The following TDRD10 variants were observed in gnomAD, a reference collection of about 807,000 sequenced individuals.
TDRD10 encodes tudor domain containing 10.
Under a neutral mutation model 48.0 loss-of-function variants are expected in TDRD10, and 40 were observed. That is an observed-to-expected ratio of 0.83 (90% CI 0.65 to 1.09). The LOEUF (loss-of-function observed/expected upper bound fraction) is 1.09, where lower values mean the gene tolerates loss of function less well. Ranked by LOEUF, TDRD10 falls within the 50% of genes least tolerant of loss-of-function variation. TDRD10 has a pLI of 0.00. For missense variants in TDRD10, 378 were observed against 434.7 expected (o/e 0.87, Z 1.16); for synonymous variants, 162 against 170.4 (o/e 0.95, Z 0.38).
At chr1:154,542,917 G>T in intron 8 of TDRD10, 96 bp downstream of exon 8, 11 of 1,017,584 alleles carry the variant, frequency 1.1e-5, no homozygotes, top group Non-Finnish European at 1.5e-5. Flanking sequence ...TGGGGTGGGG[G>T]ATAGTTTTCG....
chr1:154,534,021 C>A (rs550622598), intron 6 of TDRD10, among the ~76,000 whole-genome samples: 3 of 151,884 alleles, frequency 2.0e-5, no homozygotes, highest in African/African-American at 7.2e-5. Context: ...GGCGTGAGAC[C>A]CCCCAGCCGT....
chr1:154,507,377 C>G, intron 3 of TDRD10, 57 bp downstream of exon 3: 1 of 1,587,428 alleles, frequency 6.3e-7, no homozygotes, highest in Non-Finnish European at 8.6e-7. Context: ...AACTTGGATT[C>G]CAGTTAATGG....
chr1:154,503,964 G>A (rs1281191061), intron 1 of TDRD10, among the ~76,000 whole-genome samples: 5 of 152,056 alleles, frequency 3.3e-5, no homozygotes, highest in Non-Finnish European at 5.9e-5. Context: ...TACAACCATC[G>A]CAACAATCTA....
At chr1:154,530,618 T>G (rs1694564965) in intron 6 of TDRD10, among the ~76,000 whole-genome samples, 1 of 152,010 alleles carries the variant, frequency 6.6e-6, no homozygotes. Flanking sequence ...ATTCAAGATT[T>G]TTGCTTGGTT....
chr1:154,542,420 G>C (rs1345723522), intron 7 of TDRD10, among the ~76,000 whole-genome samples: 11 of 152,162 alleles, frequency 7.2e-5, no homozygotes, highest in African/African-American at 2.7e-4. Context: ...GTGAGATGGA[G>C]TCTTGCTGTG....
intron 5 of TDRD10, 110 bp downstream of exon 5, chr1:154,520,484 C>A: frequency 1.3e-6 from 1 of 789,808 alleles, no homozygotes; most frequent in South Asian, 1.5e-5. Context: ...CACGTCCACA[C>A]CCACTCTGAC....
intron 6 of TDRD10, among the ~76,000 whole-genome samples, chr1:154,535,054 G>A (rs1694846402): frequency 2.6e-5 from 4 of 152,336 alleles, no homozygotes; most frequent in Admixed American, 2.0e-4. Context: ...GAATCAGGTG[G>A]TGTGATTGAA....
intron 3 of TDRD10, among the ~76,000 whole-genome samples, chr1:154,508,020 T>G (rs956788324): frequency 6.6e-6 from 1 of 152,206 alleles, no homozygotes; most frequent in African/African-American, 2.4e-5. Flanking sequence ...GCTGGATTCC[T>G]GGTGTGCCCA....
chr1:154,504,553 C>G (rs1377302581), intron 1 of TDRD10, among the ~76,000 whole-genome samples: 2 of 152,188 alleles, frequency 1.3e-5, no homozygotes, highest in Non-Finnish European at 2.9e-5. Context: ...TTGTCTGTAT[C>G]TCTTGCTTTT....
chr1:154,527,065 C>T (rs1005860496), intron 6 of TDRD10, among the ~76,000 whole-genome samples: 2 of 152,040 alleles, frequency 1.3e-5, no homozygotes, highest in African/African-American at 4.8e-5. Context: ...CACCTGCCAC[C>T]ACGCCCGCCT....
Position 154,521,224 on chromosome 1 carries a change from AAG to A in TDRD10, c.213-98_213-97del, listed in dbSNP as rs532761505. The A allele has an allele frequency of 1.6e-5, 19 of 1,196,934 alleles. No individual in the cohort carries two copies. In the Admixed American group the frequency reaches 3.4e-4, roughly 21 times the overall value. The allele number at this position is 1,196,934 out of a possible 1,614,324, so 74.1% of individuals were successfully genotyped here. A position where few individuals can be genotyped will look rare whatever the true frequency, so the allele number is the denominator to read the frequency against. Reference sequence around the variant, plus strand: ...TTCATCTTCCATCACTGCAGAGAGAAAGGACACTGGCCTTCCAGCTTGGGCTT... The same window carrying A: ...TTCATCTTCCATCACTGCAGAGAGAAGACACTGGCCTTCCAGCTTGGGCTT... On this transcript the variant is annotated intron_variant, in intron 5 of 12. Coordinates refer to ENST00000368482, the MANE Select transcript of TDRD10 (RefSeq NM_182499.4).
chr1:154,503,610 C>CA (rs1177504018), intron 1 of TDRD10, among the ~76,000 whole-genome samples: 2 of 151,960 alleles, frequency 1.3e-5, no homozygotes, highest in South Asian at 2.1e-4. Context: ...AACAAACAAA[C>CA]AAAAAAACAC....
intron 1 of TDRD10, among the ~76,000 whole-genome samples, chr1:154,503,830 C>T (rs1692980215): frequency 1.3e-5 from 2 of 152,088 alleles, no homozygotes; most frequent in Admixed American, 6.5e-5. Context: ...CTCATACTGA[C>T]GTTCTTGAAA....
chr1:154,535,358 C>T (rs1192795543), intron 6 of TDRD10, among the ~76,000 whole-genome samples: 1 of 146,246 alleles, frequency 6.8e-6, no homozygotes, highest in Non-Finnish European at 1.5e-5. Context: ...CAGAGTGAGA[C>T]TCCATCTCAA....
intron 4 of TDRD10, among the ~76,000 whole-genome samples, chr1:154,518,993 T>G (rs1358179032): frequency 1.3e-5 from 2 of 152,220 alleles, no homozygotes; most frequent in Non-Finnish European, 2.9e-5. Context: ...TTGAAGAGTC[T>G]GGAGTTCAAG....
intron 6 of TDRD10, among the ~76,000 whole-genome samples, chr1:154,536,247 A>C (rs1251191758): frequency 6.6e-6 from 1 of 152,160 alleles, no homozygotes; most frequent in Non-Finnish European, 1.5e-5. Context: ...GTGGTGGCAC[A>C]TGCCTGTAAT....
At chr1:154,540,507 CAAAAAAAAAA>C (rs57375022) in intron 6 of TDRD10, among the ~76,000 whole-genome samples, 2 of 109,146 alleles carry the variant, frequency 1.8e-5, no homozygotes, top group African/African-American at 4.4e-5. Flanking sequence ...CCCATCTCTA[CAAAAAAAAAA>C]AAAAAAAAAA....
chr1:154,544,194 A>G (rs1204272101), intron 9 of TDRD10, 84 bp downstream of exon 9: 3 of 1,596,960 alleles, frequency 1.9e-6, no homozygotes, highest in Non-Finnish European at 2.6e-6. Context: ...GGGGCCGGTC[A>G]GTGGTGGAGA....
rs576653861 is a variant in TDRD10 at position 154,541,899 on chromosome 1, A to G, written c.370-125A>G. ...GACGGATGTCTCAAAAGTCAGCTCT[A>G]AAGTCGGAGTCAGAACAGGGGCTGC... On this transcript the variant is annotated intron_variant, in intron 6 of 12. Coordinates refer to ENST00000368482, the MANE Select transcript of TDRD10 (RefSeq NM_182499.4). The G allele has an allele frequency of 1.9e-4, 167 of 864,890 alleles. 3 individuals are homozygous for G. In the South Asian group the frequency reaches 2.9e-3, roughly 15 times the overall value. The allele number at this position is 864,890 out of a possible 1,614,324, so 53.6% of individuals were successfully genotyped here.
Sources: gnomAD v4.1 joint callset for allele counts (sites outside exome capture counted in the v4.1 genomes callset) on GRCh38, gnomAD v4.1.1 for gene constraint, MANE v1.5 for transcripts, NCBI Gene and HGNC (gene_info 2026-07-23, HGNC 2026-07-21) for gene names.